Variants in SHC3 observed in about 807,000 individuals in gnomAD.
SHC3 encodes the protein SHC-transforming protein 3.
Under a neutral mutation model 60.4 loss-of-function variants are expected in SHC3, and 15 were observed. The observed-to-expected ratio is 0.25, with a 90% confidence interval of 0.17 to 0.38. The LOEUF (loss-of-function observed/expected upper bound fraction) is 0.38. SHC3 is among the 10% of genes least tolerant of loss of function. The pLI is 1.00. For missense variants in SHC3, 677 were observed against 786.1 expected (o/e 0.86, Z 1.66); for synonymous variants, 294 against 325.9 (o/e 0.90, Z 1.05).
rs540405817 is a variant in SHC3, at chr9:89,083,207, G to A, written c.546-5304C>T. On this transcript the variant is annotated intron_variant, in intron 2 of 11. Transcript: ENST00000375835. ...AGGAGACAGGATAACACAGTCACAC[G>A]TGTACTATGAAGGACTGGAGTGTGC... Among the ~76,000 whole-genome samples the A allele has an allele frequency of 5.4e-4, 82 of 152,338 alleles. 1 individual carries two copies. The highest frequency in any genetic ancestry group is 1.8e-3 in the African/African-American group (75 of 41,570).
intron 11 of SHC3, among the ~76,000 whole-genome samples, chr9:89,025,577 A>C (rs967126509): frequency 7.2e-5 from 9 of 124,388 alleles, no homozygotes; most frequent in Non-Finnish European, 1.5e-4. Context: ...CTGAAAAACT[A>C]GGTCAGGCCA....
chr9:89,104,762 C>G (rs1175247956), intron 2 of SHC3, among the ~76,000 whole-genome samples: 2 of 152,324 alleles, frequency 1.3e-5, no homozygotes, highest in East Asian at 3.9e-4. Context: ...TCCTCTCACC[C>G]TCCAATCCAA....
At chr9:89,015,281 T>C (rs1231914537) in intron 11 of SHC3, among the ~76,000 whole-genome samples, 1 of 152,210 alleles carries the variant, frequency 6.6e-6, no homozygotes, top group Non-Finnish European at 1.5e-5. Flanking sequence ...CCTTAACGAC[T>C]GACACTCACG....
intron 2 of SHC3, among the ~76,000 whole-genome samples, chr9:89,095,498 G>A (rs1564139214): frequency 6.6e-6 from 1 of 152,150 alleles, no homozygotes; most frequent in Non-Finnish European, 1.5e-5. Context: ...CAGAGTTTCA[G>A]TTTTGCAAAA....
intron 2 of SHC3, among the ~76,000 whole-genome samples, chr9:89,110,615 A>G (rs1825933636): frequency 6.6e-6 from 1 of 152,216 alleles, no homozygotes; most frequent in African/African-American, 2.4e-5. Flanking sequence ...ACCTCCAGCT[A>G]TTAGCTAAAG....
At chr9:89,144,536 G>A (rs1826440353) in intron 1 of SHC3, among the ~76,000 whole-genome samples, 1 of 152,158 alleles carries the variant, frequency 6.6e-6, no homozygotes, top group Admixed American at 6.5e-5. Flanking sequence ...GAGGAGCCAG[G>A]ATTTGAGCCC....
chr9:89,019,139 A>C (rs1826156651), intron 11 of SHC3, among the ~76,000 whole-genome samples: 1 of 152,168 alleles, frequency 6.6e-6, no homozygotes, highest in African/African-American at 2.4e-5. Context: ...CTCAAAGATC[A>C]AGAACAAGAC....
At chr9:89,080,417 C>T (rs1348185615) in intron 2 of SHC3, among the ~76,000 whole-genome samples, 1 of 152,146 alleles carries the variant, frequency 6.6e-6, no homozygotes, top group East Asian at 1.9e-4. Context: ...CCTCATTGTC[C>T]TCATGATTTC....
intron 1 of SHC3, among the ~76,000 whole-genome samples, chr9:89,162,072 A>G (rs1034514371): frequency 7.3e-6 from 1 of 137,810 alleles, no homozygotes; most frequent in African/African-American, 2.8e-5. Flanking sequence ...ACTACAAACC[A>G]CTGCTCAAGG....
intron 6 of SHC3, among the ~76,000 whole-genome samples, chr9:89,064,130 C>T (rs1448622919): frequency 6.6e-6 from 1 of 152,226 alleles, no homozygotes; most frequent in Non-Finnish European, 1.5e-5. Flanking sequence ...GCTTCCCCCT[C>T]ATGACCTAAT....
intron 11 of SHC3, among the ~76,000 whole-genome samples, chr9:89,029,622 G>A (rs1017605725): frequency 6.6e-6 from 1 of 152,078 alleles, no homozygotes; most frequent in Admixed American, 6.6e-5. Flanking sequence ...ATATGTCCCT[G>A]GGATGATGAG....
intron 1 of SHC3, among the ~76,000 whole-genome samples, chr9:89,170,741 T>C (rs1024281): frequency 0.014 from 2,159 of 152,222 alleles, 19 homozygotes; most frequent in Middle Eastern, 0.041. Context: ...AAAATAAGAA[T>C]ACAAAAATTA....
intron 2 of SHC3, among the ~76,000 whole-genome samples, chr9:89,091,234 G>A (rs1352529500): frequency 1.3e-5 from 2 of 152,192 alleles, no homozygotes; most frequent in Non-Finnish European, 2.9e-5. Context: ...AGGAAGAATA[G>A]CAAGGAGAAA....
At chr9:89,111,096 C>T (rs546185297) in intron 2 of SHC3, among the ~76,000 whole-genome samples, 14 of 152,144 alleles carry the variant, frequency 9.2e-5, no homozygotes, top group South Asian at 2.1e-4. Flanking sequence ...CTAGCAAAGC[C>T]GGAGAGTCAC....
chr9:89,062,440 C>T lies in SHC3; in HGVS notation c.835+3089G>A, dbSNP rs529948155. Among the ~76,000 whole-genome samples the T allele has an allele frequency of 1.1e-4, 16 of 152,276 alleles. No homozygotes were observed. In the East Asian group the frequency reaches 2.9e-3, roughly 28 times the overall value. On this transcript the variant is annotated intron_variant, in intron 6 of 11. Transcript: ENST00000375835. The stretch of plus-strand genomic sequence containing the variant: ...ATGACTTGGGTCAGGAACCTTTTGT[C>T]CTTTCACTGGATTAACTATAGAAGC...
intron 1 of SHC3, among the ~76,000 whole-genome samples, chr9:89,120,685 C>T (rs192202784): frequency 1.0e-3 from 158 of 152,254 alleles, no homozygotes; most frequent in Non-Finnish European, 1.9e-3. Context: ...GAACTCTATT[C>T]ATGTGTAAGT....
At chr9:89,081,299 C>A (rs935554971) in intron 2 of SHC3, among the ~76,000 whole-genome samples, 1 of 152,184 alleles carries the variant, frequency 6.6e-6, no homozygotes, top group Non-Finnish European at 1.5e-5. Flanking sequence ...AAAGGCAATA[C>A]ACATGGCTCC....
chr9:89,139,680 G>A (rs1826365471), intron 1 of SHC3, among the ~76,000 whole-genome samples: 1 of 152,204 alleles, frequency 6.6e-6, no homozygotes, highest in Non-Finnish European at 1.5e-5. Context: ...GACTAGGCAT[G>A]AGGCCAGTTT....
intron 2 of SHC3, among the ~76,000 whole-genome samples, chr9:89,098,852 A>G (rs1474239465): frequency 6.6e-6 from 1 of 151,846 alleles, no homozygotes; most frequent in African/African-American, 2.4e-5. Context: ...GACACCTGTA[A>G]TCTCAGCTAC....
Sources: gnomAD v4.1 joint callset for allele counts (sites outside exome capture counted in the v4.1 genomes callset) on GRCh38, gnomAD v4.1.1 for gene constraint, MANE v1.5 for transcripts, NCBI Gene and HGNC (gene_info 2026-07-23, HGNC 2026-07-21) for gene names.